Variants in STX8 observed in about 807,000 individuals in gnomAD.
The protein encoded by STX8 is syntaxin-8.
A neutral mutation model predicts 37.5 loss-of-function variants in STX8; 23 were observed. That is an observed-to-expected ratio of 0.61 (90% CI 0.44 to 0.87). The LOEUF (loss-of-function observed/expected upper bound fraction) is 0.87, where lower values mean the gene tolerates loss of function less well. Among genes scored for constraint, STX8 ranks in the 40% least tolerant of loss-of-function variants. The pLI is 0.00. For missense variants in STX8, 313 were observed against 284.7 expected, an observed-to-expected ratio of 1.10 and a Z score of -0.71; for synonymous variants, 115 against 99.1, an observed-to-expected ratio of 1.16 and a Z score of -0.95.
chr17:9,469,533 G>A (rs114794988), intron 6 of STX8, among the ~76,000 whole-genome samples: 5,649 of 152,172 alleles, frequency 0.037, 128 homozygotes, highest in East Asian at 0.063. Flanking sequence ...ATCCCAAGTC[G>A]TTGCTTCAAG....
At chr17:9,465,991 A>C (rs1396772705) in intron 6 of STX8, among the ~76,000 whole-genome samples, 1 of 150,434 alleles carries the variant, frequency 6.6e-6, no homozygotes, top group African/African-American at 2.4e-5. Context: ...TTTTTTTCAG[A>C]TGGAGTCTCG....
At chr17:9,287,204 T>C (rs1354282379) in intron 7 of STX8, among the ~76,000 whole-genome samples, 1 of 152,112 alleles carries the variant, frequency 6.6e-6, no homozygotes, top group Non-Finnish European at 1.5e-5. Flanking sequence ...TTACAGTAGA[T>C]GACGATGAAA....
At chr17:9,512,780 G>A (rs2142510737) in intron 4 of STX8, among the ~76,000 whole-genome samples, 1 of 152,256 alleles carries the variant, frequency 6.6e-6, no homozygotes, top group South Asian at 2.1e-4. Flanking sequence ...CTCACTGGGG[G>A]AAGACAGTCT....
chr17:9,372,271 A>AC (rs929338449), intron 7 of STX8, among the ~76,000 whole-genome samples: 20 of 149,648 alleles, frequency 1.3e-4, no homozygotes, highest in African/African-American at 4.9e-4. Flanking sequence ...CCTTTCCACA[A>AC]CCCCCCATGG....
chr17:9,569,321 C>T (rs932066161), intron 1 of STX8, among the ~76,000 whole-genome samples: 5 of 151,992 alleles, frequency 3.3e-5, no homozygotes, highest in East Asian at 1.9e-4. Flanking sequence ...AGAAGAAAAA[C>T]GCAGCAGGAT....
intron 6 of STX8, among the ~76,000 whole-genome samples, chr17:9,460,959 C>T (rs1905356207): frequency 7.9e-6 from 1 of 125,964 alleles, no homozygotes; most frequent in African/African-American, 3.0e-5. Flanking sequence ...TAAAACTTAA[C>T]TTGGTCATCA....
chr17:9,460,688 AC>A (rs371982352), intron 6 of STX8, among the ~76,000 whole-genome samples: 6,185 of 134,300 alleles, frequency 0.046, 328 homozygotes, highest in African/African-American at 0.063. Context: ...AAAAAAAAAA[AC>A]AAAACAAAAC....
At chr17:9,464,174 T>C (rs1307563946) in intron 6 of STX8, among the ~76,000 whole-genome samples, 1 of 152,232 alleles carries the variant, frequency 6.6e-6, no homozygotes. Context: ...TAAATCTGAT[T>C]CTTAAACAGC....
chr17:9,289,729 G>A (rs772452691), intron 7 of STX8, among the ~76,000 whole-genome samples: 19 of 151,844 alleles, frequency 1.3e-4, no homozygotes, highest in East Asian at 1.9e-4. Flanking sequence ...GCAGTGAGTC[G>A]GGATCGCGCC....
intron 6 of STX8, among the ~76,000 whole-genome samples, chr17:9,460,506 C>G (rs1905331379): frequency 6.6e-6 from 1 of 151,986 alleles, no homozygotes; most frequent in South Asian, 2.1e-4. Flanking sequence ...AACCCCATCT[C>G]TACTAAAAGT....
intron 7 of STX8, among the ~76,000 whole-genome samples, chr17:9,374,389 A>AT (rs34301494): frequency 1.3e-5 from 2 of 152,182 alleles, no homozygotes; most frequent in African/African-American, 2.4e-5. Context: ...GCCAAAAGAA[A>AT]TTTTTTTAAA....
chr17:9,265,918 T>A (rs1313430383), intron 7 of STX8, among the ~76,000 whole-genome samples: 1 of 152,116 alleles, frequency 6.6e-6, no homozygotes, highest in Non-Finnish European at 1.5e-5. Context: ...ATCCAGCTCC[T>A]CTTCCCCTAT....
At chr17:9,505,874 G>T (rs1054252170) in intron 4 of STX8, among the ~76,000 whole-genome samples, 5 of 151,174 alleles carry the variant, frequency 3.3e-5, no homozygotes, top group African/African-American at 1.2e-4. Context: ...CCTGAGAGGC[G>T]GAGGTTGCAG....
chr17:9,374,923 G>A (rs190754891), intron 7 of STX8, among the ~76,000 whole-genome samples: 1 of 151,716 alleles, frequency 6.6e-6, no homozygotes, highest in Non-Finnish European at 1.5e-5. Context: ...AATTAGCTGG[G>A]TGTGGTGGTG....
chr17:9,407,588 C>A (rs905838464), intron 6 of STX8, among the ~76,000 whole-genome samples: 3 of 145,074 alleles, frequency 2.1e-5, no homozygotes, highest in Admixed American at 1.4e-4. Context: ...TGGTTTTATA[C>A]ATTTTAGAGA....
intron 6 of STX8, among the ~76,000 whole-genome samples, chr17:9,456,181 C>A (rs550262608): frequency 6.6e-6 from 1 of 151,820 alleles, no homozygotes; most frequent in Admixed American, 6.6e-5. Context: ...TATTTTCCCA[C>A]GGAAATGAAT....
Position 9,340,740 on chromosome 17 carries a change from C to T in STX8, c.643+37812G>A, listed in dbSNP as rs569225041. ...TGGCGTAATCTGGGCTGACCGCAAC[C>T]TCTGCCTCCCGGGTTCAAGCGATTC... On this transcript the variant is annotated intron_variant, in intron 7 of 7. Transcript: ENST00000306357. Among the ~76,000 whole-genome samples the T allele has an allele frequency of 5.8e-5, 8 of 137,610 alleles. No homozygotes were observed. The South Asian group carries it at 1.7e-3, about 29-fold the overall frequency. The allele number at this position is 137,610 out of a possible 152,430, so 90.3% of individuals were successfully genotyped here. A position where few individuals can be genotyped will look rare whatever the true frequency, so the allele number is the denominator to read the frequency against.
At chr17:9,384,794 T>TTGTG (rs59655296) in intron 6 of STX8, among the ~76,000 whole-genome samples, 4,808 of 147,728 alleles carry the variant, frequency 0.033, 167 homozygotes, top group South Asian at 0.11. Flanking sequence ...CCAGATAGAC[T>TTGTG]TGTGTGTGTG....
At chr17:9,428,079 T>C (rs1306081246) in intron 6 of STX8, among the ~76,000 whole-genome samples, 1 of 151,942 alleles carries the variant, frequency 6.6e-6, no homozygotes. Context: ...CTCCTCAGAG[T>C]TCTCACCTGG....
Sources: gnomAD v4.1 joint callset for allele counts (sites outside exome capture counted in the v4.1 genomes callset) on GRCh38, gnomAD v4.1.1 for gene constraint, MANE v1.5 for transcripts, NCBI Gene and HGNC (gene_info 2026-07-23, HGNC 2026-07-21) for gene names.